HMCN2: variants seen among roughly 807,000 people sequenced by gnomAD.
HMCN2 encodes the protein hemicentin 2.
Under a neutral mutation model 377.5 loss-of-function variants are expected in HMCN2, and 325 were observed. The observed-to-expected ratio is 0.86, with a 90% CI of 0.79 to 0.94. The LOEUF is 0.94. Among genes scored for constraint, HMCN2 ranks in the 40% least tolerant of loss-of-function variants. The probability of loss-of-function intolerance (pLI) is 0.00; values close to 1 mark genes in which losing one functional copy is unlikely to be tolerated. For missense variants in HMCN2, 4,543 were observed against 4,725.3 expected, an observed-to-expected ratio of 0.96 and a Z score of 1.13; for synonymous variants, 2,007 against 2,046.8, an observed-to-expected ratio of 0.98 and a Z score of 0.53.
rs886819678 is a variant in HMCN2 at position 130,407,688 on chromosome 9, G to A, written c.12671G>A (p.Ser4224Asn). The change falls in exon 83 of 98, where the codon AGC becomes AAC. Residue 4224 changes from serine (S) to asparagine (N), a missense_variant. Ser to Asn is a conservative substitution (Grantham distance 46). This residue lies in a region of HMCN2 where 1,073 missense variants were observed against 1,319.5 expected (regional missense o/e 0.81). Transcript: ENST00000683500. ...AGAGTGGGCCGCACGCAGGCGGTCA[G>A]CTTCGTCCACGTGAAGGGTAGGGCA... ...ENRVGRTQAV[S>N]FVHVKEAPVL... The A allele has an allele frequency of 1.6e-6, 2 of 1,252,740 alleles. No individual in the cohort carries two copies. The highest frequency in any genetic ancestry group is 2.1e-6 in the Non-Finnish European group (2 of 965,828). The allele number at this position is 1,252,740 out of a possible 1,614,324, so 77.6% of individuals were successfully genotyped here.
rs150326351 is a variant in HMCN2, at chr9:130,272,714, A to G, written c.259+6577A>G. 5.9e-3 allele frequency among the ~76,000 whole-genome samples: 894 copies of G among 151,916 alleles called. 3 individuals carry two copies. The highest frequency in any genetic ancestry group is 9.4e-3 in the Non-Finnish European group (640 of 67,970). Reference sequence around the variant, plus strand: ...AGGCACATGCCACCACACCTGGCTAATTTTTGTGTGTGTATATATATTTGG... The same window carrying G: ...AGGCACATGCCACCACACCTGGCTAGTTTTTGTGTGTGTATATATATTTGG... On this transcript the variant is annotated intron_variant, in intron 1 of 97. Coordinates refer to ENST00000683500, the MANE Select transcript of HMCN2 (RefSeq NM_001291815.2).
At position 130,430,550 on chromosome 9, in the gene HMCN2, G is replaced by A; in HGVS notation, c.14593G>A (p.Val4865Met). 2 of 1,550,568 alleles carry A rather than the reference G, an allele frequency of 1.3e-6. No homozygotes were observed. The highest frequency in any genetic ancestry group is 1.7e-6 in the Non-Finnish European group (2 of 1,146,956). ...TCCGGGTCCCATGGCCCTGAGCAGT[G>A]TGGGCCGGGCCTGGTGCCCTCCTGG... ...LRPGPMALSS[V>M]GRAWCPPGFI... The change falls in exon 95 of 98, where the codon GTG becomes ATG. Residue 4865 changes from valine (V) to methionine (M), a missense_variant. By Grantham distance (21) the Val-to-Met change is conservative. Transcript: ENST00000683500.
At chr9:130,368,488 G>A (rs758031230) in intron 44 of HMCN2, 51 bp downstream of exon 44, 97 of 957,790 alleles carry the variant, frequency 1.0e-4, no homozygotes, top group Non-Finnish European at 1.2e-4. Context: ...GGACTGGCTG[G>A]GCAGGCGCTG....
At chr9:130,278,840 C>T (rs1239748243) in intron 1 of HMCN2, among the ~76,000 whole-genome samples, 1 of 151,550 alleles carries the variant, frequency 6.6e-6, no homozygotes, top group Non-Finnish European at 1.5e-5. Flanking sequence ...CTCGGCTTCC[C>T]AAAGTGCTGG....
At chr9:130,420,363 C>T (rs1326188455) in intron 86 of HMCN2, among the ~76,000 whole-genome samples, 12 of 151,956 alleles carry the variant, frequency 7.9e-5, no homozygotes, top group African/African-American at 2.2e-4. Context: ...CGTGAGCCAC[C>T]GCGCCCGGCC....
chr9:130,277,304 G>A lies in HMCN2; in HGVS notation c.260-7299G>A, dbSNP rs550550590. On this transcript the variant is annotated intron_variant, in intron 1 of 97. Transcript: ENST00000683500. ...ATCCCTGCAGCCAGCAGGCCTGCTC[G>A]GAGGGACTGCACGCCACATCTGCCC... is the stretch of plus-strand genomic sequence containing the variant. Among the ~76,000 whole-genome samples the A allele has an allele frequency of 4.6e-5, 7 of 152,332 alleles. 1 individual carries two copies. The South Asian group carries it at 1.4e-3, about 32-fold the overall frequency.
chr9:130,386,609 GGGCAGA>G, intron 61 of HMCN2, 85 bp downstream of exon 61: 1 of 874,746 alleles, frequency 1.1e-6, no homozygotes, highest in Non-Finnish European at 1.6e-6. Flanking sequence ...GACAATAGCT[GGGCAGA>G]GGCAGTGCTG....
intron 1 of HMCN2, 31 bp from the exon 2 acceptor site, chr9:130,284,572 C>G (rs1554926878): frequency 4.2e-6 from 2 of 471,086 alleles, no homozygotes; most frequent in Non-Finnish European, 8.8e-6. Flanking sequence ...GAGTCCCAGC[C>G]CATCTGGGCG....
intron 40 of HMCN2, among the ~76,000 whole-genome samples, chr9:130,364,448 A>G (rs1008923335): frequency 2.6e-5 from 4 of 152,264 alleles, no homozygotes; most frequent in African/African-American, 9.6e-5. Flanking sequence ...ATAATTATAG[A>G]TTCACAGACA....
At chr9:130,327,066 C>A (rs1458647245) in intron 21 of HMCN2, among the ~76,000 whole-genome samples, 13 of 151,988 alleles carry the variant, frequency 8.6e-5, no homozygotes, top group Non-Finnish European at 1.5e-4. Flanking sequence ...GGGTCAGGGT[C>A]CTCAGAGCAA....
intron 4 of HMCN2, among the ~76,000 whole-genome samples, chr9:130,288,514 T>C (rs1835548678): frequency 6.6e-6 from 1 of 152,220 alleles, no homozygotes; most frequent in Non-Finnish European, 1.5e-5. Context: ...CCAGGAGAGA[T>C]GAACGGTGCC....
chr9:130,432,981 G>C (rs957570847), intron 97 of HMCN2: 2 of 366,928 alleles, frequency 5.5e-6, no homozygotes, highest in Non-Finnish European at 9.8e-6. Flanking sequence ...AGATGCCCGC[G>C]GCAAGGCTAA....
chr9:130,348,069 G>C, intron 26 of HMCN2: 2 of 984,950 alleles, frequency 2.0e-6, no homozygotes, highest in Middle Eastern at 5.2e-4. Flanking sequence ...GGTCTCTGTC[G>C]GCAGGATGAA....
chr9:130,368,318 C>T lies in HMCN2; in HGVS notation c.6668C>T (p.Ser2223Leu), dbSNP rs1010577223. 7.1e-6 allele frequency: 7 copies of T among 985,562 alleles called. No individual in the cohort carries two copies. Among genetic ancestry groups the T allele is most frequent in the Non-Finnish European group, 7.2e-6 (6 of 829,918 alleles). 61.1% of individuals were successfully genotyped at this position (985,562 alleles called of 1,614,324 possible). Reference protein sequence around the residue: ...PGEGAGLQHVSAVGRLLYLGQ... With the variant: ...PGEGAGLQHVLAVGRLLYLGQ... ...GAGGGGGCTGGCCTCCAGCACGTGT[C>T]GGCTGTGGGGAGGCTGTTGTACCTG... is the stretch of plus-strand genomic sequence containing the variant. The change falls in exon 44 of 98, where the codon TCG becomes TTG. Residue 2223 changes from serine (S) to leucine (L), a missense_variant. Transcript: ENST00000683500.
intron 83 of HMCN2, 51 bp downstream of exon 83, chr9:130,407,756 G>C: frequency 5.2e-6 from 6 of 1,154,998 alleles, no homozygotes; most frequent in Non-Finnish European, 6.5e-6. Flanking sequence ...CAGTCTATTG[G>C]GACCCAATCT....
At chr9:130,338,806 G>A (rs1415882017) in intron 23 of HMCN2, among the ~76,000 whole-genome samples, 7 of 152,366 alleles carry the variant, frequency 4.6e-5, no homozygotes, top group African/African-American at 1.7e-4. Flanking sequence ...AGCCAGTGAA[G>A]AATGGCTTCC....
intron 8 of HMCN2, among the ~76,000 whole-genome samples, chr9:130,301,608 G>A (rs1836517998): frequency 6.6e-6 from 1 of 152,230 alleles, no homozygotes; most frequent in South Asian, 2.1e-4. Flanking sequence ...TTTGCACACA[G>A]CCGAGGACGT....
At position 130,393,491 on chromosome 9, in the gene HMCN2, G is replaced by A. The variant is rs950429390; in HGVS notation, c.10234+182G>A. 6.6e-6 allele frequency among the ~76,000 whole-genome samples: 1 copy of A among 152,316 alleles called. No individual in the cohort carries two copies. The highest frequency in any genetic ancestry group is 1.5e-5 in the Non-Finnish European group (1 of 68,022). On this transcript the variant is annotated intron_variant, in intron 67 of 97. Transcript: ENST00000683500. The surrounding 1 kb of genome is among the most constrained non-coding windows in gnomAD (Gnocchi z 5.2). ...TCGTTTGTACCTCACAAGTGGCTGT[G>A]GGCACTCTGGTATGCCCAGGATAGG...
intron 57 of HMCN2, 122 bp from the exon 58 acceptor site, chr9:130,384,251 T>C (rs1235727263): frequency 2.7e-6 from 2 of 753,116 alleles, no homozygotes; most frequent in Admixed American, 7.2e-5. Flanking sequence ...TCTGAATTAT[T>C]TGAAGTTGTG....
Sources: allele counts gnomAD v4.1 joint callset (sites outside exome capture counted in the v4.1 genomes callset), GRCh38; gene constraint gnomAD v4.1.1; regional missense constraint gnomAD v4.1.1; non-coding constraint Gnocchi (gnomAD v3.1); transcripts MANE v1.5; gene names NCBI Gene and HGNC (gene_info 2026-07-23, HGNC 2026-07-21).